The following PRRC2C variants were observed in gnomAD, a reference collection of about 807,000 sequenced individuals.
PRRC2C encodes proline rich coiled-coil 2C.
A neutral mutation model predicts 317.2 loss-of-function variants in PRRC2C; 72 were observed. The ratio of observed to expected loss-of-function variants is 0.23; its 90% confidence interval spans 0.19 to 0.28. PRRC2C has a LOEUF of 0.28. Ranked by LOEUF, PRRC2C falls within the 10% of genes least tolerant of loss-of-function variation. The probability of loss-of-function intolerance (pLI) is 1.00; values close to 1 mark genes in which losing one functional copy is unlikely to be tolerated. For synonymous variants in PRRC2C, 1,296 were observed against 1,205.9 expected (o/e 1.07, Z -1.55); for missense variants, 3,074 against 3,459.7 (o/e 0.89, Z 2.80).
chr1:171,503,311 G>A (rs907144468), intron 1 of PRRC2C, among the ~76,000 whole-genome samples: 1 of 152,104 alleles, frequency 6.6e-6, no homozygotes, highest in Non-Finnish European at 1.5e-5. Context: ...ATCATCTGAG[G>A]TCAGGAGTTC....
rs777998046 is a variant in PRRC2C, at chr1:171,541,126, T to C, written c.3660T>C (p.Tyr1220=). ...GRGGRGHTRD[Y]PQYRDNKPRA... ...GTGGTAGGGGACACACTCGAGATTA[T>C]CCTCAGTATAGAGACAATAAGCCAA... Residue 1220 remains tyrosine, a synonymous_variant, in exon 16 of 35, where the codon TAT becomes TAC. Transcript: ENST00000647382. This position sits in a 1 kb window ranked among gnomAD's most constrained non-coding sequence, Gnocchi z 4.1. 2 of 1,613,700 alleles carry C rather than the reference T, an allele frequency of 1.2e-6. No individual in the cohort carries two copies. The highest frequency in any genetic ancestry group is 1.7e-6 in the Non-Finnish European group (2 of 1,179,834).
chr1:171,578,880 A>G (rs1233515144), intron 26 of PRRC2C, among the ~76,000 whole-genome samples: 2 of 151,168 alleles, frequency 1.3e-5, no homozygotes, highest in African/African-American at 4.9e-5. Flanking sequence ...AAACAAAAAC[A>G]AAAAAAAACA....
chr1:171,512,240 G>A, intron 2 of PRRC2C, 40 bp downstream of exon 2: 1 of 1,356,822 alleles, frequency 7.4e-7, no homozygotes, highest in Non-Finnish European at 1.0e-6. Flanking sequence ...TTCATGGTTT[G>A]TTTTGTTACT....
intron 15 of PRRC2C, among the ~76,000 whole-genome samples, chr1:171,539,154 A>G (rs1677435051): frequency 6.6e-6 from 1 of 152,082 alleles, no homozygotes; most frequent in Non-Finnish European, 1.5e-5. Context: ...GGCATGTGCC[A>G]CCACGCCCAG....
Position 171,574,921 on chromosome 1 carries a change from T to C in PRRC2C, c.6754-6T>C, listed in dbSNP as rs1160658934. 3 of 1,612,702 alleles carry C rather than the reference T, an allele frequency of 1.9e-6. No homozygotes were observed. Among genetic ancestry groups the C allele is most frequent in the African/African-American group, 1.3e-5 (1 of 74,894 alleles). On this transcript the variant is annotated splice_region_variant and splice_polypyrimidine_tract_variant and intron_variant, in intron 24 of 34. Coordinates refer to ENST00000647382, the MANE Select transcript of PRRC2C (RefSeq NM_001387844.1). ...TTTTTACTATAAAATGTCCGTTTTA[T>C]TGCAGATGGAGTCTGCACGCAAAGC...
At chr1:171,497,980 A>G (rs1668430127) in intron 1 of PRRC2C, among the ~76,000 whole-genome samples, 1 of 76,878 alleles carries the variant, frequency 1.3e-5, no homozygotes, top group Admixed American at 1.3e-4. Flanking sequence ...ATACCCAGCT[A>G]ATTTTTTTTT....
At chr1:171,566,954 A>G (rs1024140091) in intron 22 of PRRC2C, 111 bp downstream of exon 22, 35 of 1,189,262 alleles carry the variant, frequency 2.9e-5, no homozygotes, top group Non-Finnish European at 3.6e-5. Context: ...ATATAACTCT[A>G]TAGATTATTT....
intron 23 of PRRC2C, among the ~76,000 whole-genome samples, chr1:171,570,751 T>C (rs1424924277): frequency 6.6e-6 from 1 of 152,252 alleles, no homozygotes; most frequent in Non-Finnish European, 1.5e-5. Flanking sequence ...AGATTACTTT[T>C]GTTCTTGAAT....
In PRRC2C at chr1:171,541,083, A is replaced by C; in HGVS notation, c.3617A>C (p.Tyr1206Ser). 1 of 1,613,776 alleles carries C rather than the reference A, an allele frequency of 6.2e-7. No homozygotes were observed. Residue 1206 changes from tyrosine (Y) to serine (S), a missense_variant, in exon 16 of 35, where the codon TAT becomes TCT. Transcript: ENST00000647382. This position sits in a 1 kb window ranked among gnomAD's most constrained non-coding sequence, Gnocchi z 4.1. ...AGAGGTCGAAGCTATAGAGGTTCTT[A>C]TGGAGGGCGTGGCAGGGGTGGTAGG... Reference protein sequence around the residue: ...YSRGRSYRGSYGGRGRGGRGH... With the variant: ...YSRGRSYRGSSGGRGRGGRGH...
chr1:171,576,482 T>C (rs1685713005), intron 25 of PRRC2C, among the ~76,000 whole-genome samples: 1 of 152,230 alleles, frequency 6.6e-6, no homozygotes, highest in Admixed American at 6.5e-5. Flanking sequence ...CATTACTTTT[T>C]AATCAAATAC....
chr1:171,501,618 T>C (rs546942954), intron 1 of PRRC2C, among the ~76,000 whole-genome samples: 2 of 152,330 alleles, frequency 1.3e-5, no homozygotes, highest in South Asian at 4.1e-4. Flanking sequence ...ATGATTGAGA[T>C]TTTTAGATAC....
chr1:171,582,648 A>G (rs189400467), intron 28 of PRRC2C, among the ~76,000 whole-genome samples: 1 of 152,220 alleles, frequency 6.6e-6, no homozygotes, highest in Non-Finnish European at 1.5e-5. Context: ...GTGTCTAAAC[A>G]TAGAAATCTA....
At chr1:171,511,480 T>C (rs888812231) in intron 1 of PRRC2C, 2 of 152,218 alleles carry the variant, frequency 1.3e-5, no homozygotes, top group African/African-American at 2.4e-5. Flanking sequence ...TAGTCCTCAG[T>C]GATGAAATAG....
rs773700020 is a variant in PRRC2C, at chr1:171,542,137, T to C, written c.4671T>C (p.Arg1557=). The C allele has an allele frequency of 6.2e-7, 1 of 1,612,414 alleles. No homozygotes were observed. Among genetic ancestry groups the C allele is most frequent in the Non-Finnish European group, 8.5e-7 (1 of 1,179,258 alleles). ...SQRPVDRQNR[R]GNNGPPKSGR... ...GACCAGTAGATCGTCAGAATCGACG[T>C]GGCAACAATGGTCCACCCAAATCAG... The change falls in exon 16 of 35, where the codon CGT becomes CGC. Residue 1557 remains arginine (R), a synonymous_variant. Transcript: ENST00000647382.
intron 6 of PRRC2C, among the ~76,000 whole-genome samples, chr1:171,519,085 TGTTGGCAAG>T (rs997625566): frequency 7.9e-5 from 12 of 152,132 alleles, no homozygotes; most frequent in Admixed American, 7.9e-4. Context: ...GATTTTGCCA[TGTTGGCAAG>T]GTTGGTCTTG....
At chr1:171,491,379 T>C (rs1667113884) in intron 1 of PRRC2C, among the ~76,000 whole-genome samples, 1 of 152,216 alleles carries the variant, frequency 6.6e-6, no homozygotes, top group East Asian at 1.9e-4. Flanking sequence ...GTGTTCTGCT[T>C]ACAGAGTCCT....
At chr1:171,494,111 A>T (rs953955646) in intron 1 of PRRC2C, among the ~76,000 whole-genome samples, 1 of 152,262 alleles carries the variant, frequency 6.6e-6, no homozygotes, top group Non-Finnish European at 1.5e-5. Flanking sequence ...CAATTTTAAA[A>T]TACATAAGTT....
chr1:171,534,498 C>G (rs1676459851), intron 12 of PRRC2C, among the ~76,000 whole-genome samples: 1 of 151,928 alleles, frequency 6.6e-6, no homozygotes, highest in African/African-American at 2.4e-5. Context: ...TGATACTAGA[C>G]ACATACAATT....
At chr1:171,567,285 G>A (rs954035) in intron 22 of PRRC2C, among the ~76,000 whole-genome samples, 121,901 of 152,046 alleles carry the variant, frequency 0.8, 49,010 homozygotes, top group Middle Eastern at 0.89. Context: ...GTTGAACACT[G>A]GAGGCTGTTG....
Sources: gnomAD v4.1 joint callset for allele counts (sites outside exome capture counted in the v4.1 genomes callset) on GRCh38, gnomAD v4.1.1 for gene constraint, Gnocchi (gnomAD v3.1) non-coding constraint, MANE v1.5 for transcripts, NCBI Gene and HGNC (gene_info 2026-07-23, HGNC 2026-07-21) for gene names.